FOXN3: variants seen among roughly 807,000 people sequenced by gnomAD.
The protein encoded by FOXN3 is forkhead box protein N3.
A neutral mutation model predicts 38.4 loss-of-function variants in FOXN3; 7 were observed. The observed-to-expected ratio is 0.18, with a 90% CI of 0.10 to 0.34. FOXN3 has a LOEUF of 0.34. FOXN3 is among the 10% of genes least tolerant of loss of function. FOXN3 has a pLI of 1.00. For missense variants in FOXN3, 456 were observed against 613.4 expected, an observed-to-expected ratio of 0.74 and a Z score of 2.71; for synonymous variants, 230 against 242.2, an observed-to-expected ratio of 0.95 and a Z score of 0.47.
chr14:89,585,268 C>G (rs1895820447), intron 1 of FOXN3, among the ~76,000 whole-genome samples: 1 of 152,158 alleles, frequency 6.6e-6, no homozygotes, highest in South Asian at 2.1e-4. Flanking sequence ...AGAAGAGATG[C>G]TACATTCATT....
chr14:89,274,646 G>A (rs1344712293), intron 4 of FOXN3, among the ~76,000 whole-genome samples: 2 of 152,200 alleles, frequency 1.3e-5, no homozygotes, highest in Admixed American at 1.3e-4. Context: ...TAACTGTGAT[G>A]CTAAAGCCCG....
At chr14:89,186,937 T>G (rs564281656) in intron 4 of FOXN3, among the ~76,000 whole-genome samples, 188 of 152,320 alleles carry the variant, frequency 1.2e-3, no homozygotes, top group Non-Finnish European at 1.9e-3. Context: ...TTGCTCTGCC[T>G]GGGGCTCTCA....
intron 3 of FOXN3, among the ~76,000 whole-genome samples, chr14:89,312,390 T>C (rs1887583904): frequency 6.7e-6 from 1 of 149,940 alleles, no homozygotes; most frequent in African/African-American, 2.5e-5. Flanking sequence ...GCCTCAGCAA[T>C]TGTAAAAGTA....
chr14:89,311,825 CA>C (rs1262463995), intron 3 of FOXN3, among the ~76,000 whole-genome samples: 2 of 151,826 alleles, frequency 1.3e-5, no homozygotes, highest in Non-Finnish European at 2.9e-5. Flanking sequence ...GACTCCGTCT[CA>C]AAAAACAAAC....
intron 1 of FOXN3, among the ~76,000 whole-genome samples, chr14:89,534,063 C>A (rs895235739): frequency 2.0e-5 from 3 of 151,690 alleles, no homozygotes; most frequent in African/African-American, 7.3e-5. Flanking sequence ...CCCCCCGCCA[C>A]CCACTATGGA....
intron 4 of FOXN3, among the ~76,000 whole-genome samples, chr14:89,199,446 A>G (rs1888180749): frequency 6.6e-6 from 1 of 152,238 alleles, no homozygotes; most frequent in Non-Finnish European, 1.5e-5. Context: ...AAAATGAATC[A>G]AAGAGCACCC....
At chr14:89,206,589 G>T (rs145556486) in intron 4 of FOXN3, among the ~76,000 whole-genome samples, 1 of 152,298 alleles carries the variant, frequency 6.6e-6, no homozygotes, top group East Asian at 1.9e-4. Flanking sequence ...CTGCAGGCCC[G>T]CCTGGCAAGC....
At chr14:89,335,424 T>C (rs965559079) in intron 3 of FOXN3, among the ~76,000 whole-genome samples, 11 of 152,248 alleles carry the variant, frequency 7.2e-5, no homozygotes, top group African/African-American at 9.6e-5. Flanking sequence ...AAGTGGTCTA[T>C]TGAACTTGGC....
chr14:89,321,820 CAAG>C (rs1566955792), intron 3 of FOXN3, among the ~76,000 whole-genome samples: 1 of 149,644 alleles, frequency 6.7e-6, no homozygotes, highest in Non-Finnish European at 1.5e-5. Context: ...AAAAAACAAA[CAAG>C]AAGCCCAACA....
chr14:89,315,531 T>A (rs1168995454), intron 3 of FOXN3, among the ~76,000 whole-genome samples: 1 of 152,044 alleles, frequency 6.6e-6, no homozygotes, highest in Non-Finnish European at 1.5e-5. Flanking sequence ...CCCCGAACTC[T>A]CCTCCATGGC....
chr14:89,352,060 A>G (rs887638868), intron 2 of FOXN3, among the ~76,000 whole-genome samples: 6 of 152,202 alleles, frequency 3.9e-5, no homozygotes, highest in Non-Finnish European at 5.9e-5. Flanking sequence ...TGGTGCAATG[A>G]GAATAGGAGA....
chr14:89,494,910 T>A (rs542101294), intron 1 of FOXN3, among the ~76,000 whole-genome samples: 1 of 152,358 alleles, frequency 6.6e-6, no homozygotes, highest in East Asian at 1.9e-4. Context: ...GTGATTTTCC[T>A]GGAATTTGAA....
At chr14:89,563,133 A>AGAATTGACAATGCAGATGTCACAAC (rs1596318583) in intron 1 of FOXN3, among the ~76,000 whole-genome samples, 2 of 152,358 alleles carry the variant, frequency 1.3e-5, no homozygotes, top group East Asian at 3.9e-4. Flanking sequence ...CTATCTGCAA[A>AGAATTGACAATGCAGATGTCACAAC]GAATTGACAA....
At chr14:89,433,430 C>T (rs1207317609) in intron 1 of FOXN3, among the ~76,000 whole-genome samples, 6 of 152,116 alleles carry the variant, frequency 3.9e-5, no homozygotes, top group South Asian at 4.1e-4. Flanking sequence ...TGCAGTTAGC[C>T]GAGATCGTGC....
At chr14:89,336,033 CTTT>C (rs952492884) in intron 3 of FOXN3, among the ~76,000 whole-genome samples, 13 of 152,006 alleles carry the variant, frequency 8.6e-5, no homozygotes, top group Non-Finnish European at 1.6e-4. Flanking sequence ...GTTTGACTCT[CTTT>C]TTTTCTTATT....
intron 1 of FOXN3, among the ~76,000 whole-genome samples, chr14:89,483,088 T>G (rs1893373505): frequency 6.6e-6 from 1 of 152,022 alleles, no homozygotes; most frequent in African/African-American, 2.4e-5. Context: ...GCTTCTGTAA[T>G]CCCAGCTACT....
chr14:89,346,718 G>C (rs1009060822), intron 3 of FOXN3, among the ~76,000 whole-genome samples: 2 of 152,224 alleles, frequency 1.3e-5, no homozygotes, highest in African/African-American at 2.4e-5. Context: ...TTAGAAGTAG[G>C]TCATTAAGTG....
intron 4 of FOXN3, among the ~76,000 whole-genome samples, chr14:89,271,428 TCTAA>T (rs1886148365): frequency 6.6e-6 from 1 of 152,226 alleles, no homozygotes; most frequent in African/African-American, 2.4e-5. Flanking sequence ...TATTTTATAA[TCTAA>T]CTGATATAAT....
chr14:89,173,915 C>T (rs1015211030), intron 5 of FOXN3, among the ~76,000 whole-genome samples: 1 of 152,084 alleles, frequency 6.6e-6, no homozygotes, highest in Non-Finnish European at 1.5e-5. Flanking sequence ...ATCACTTGAG[C>T]CCGGGAGGAT....
Sources: gnomAD v4.1 joint callset for allele counts (sites outside exome capture counted in the v4.1 genomes callset) on GRCh38, gnomAD v4.1.1 for gene constraint, MANE v1.5 for transcripts, NCBI Gene and HGNC (gene_info 2026-07-23, HGNC 2026-07-21) for gene names.